The following NNMT variants were observed in gnomAD, a reference collection of about 807,000 sequenced individuals.
NNMT encodes the protein nicotinamide N-methyltransferase.
In NNMT, 10 loss-of-function variants were observed where a neutral mutation model predicts 11.7. The observed-to-expected ratio is 0.85, with a 90% CI of 0.53 to 1.45. The LOEUF is 1.45. NNMT is among the 40% of genes most tolerant of loss of function. The probability of loss-of-function intolerance (pLI) is 0.00; values close to 1 mark genes in which losing one functional copy is unlikely to be tolerated. For synonymous variants in NNMT, 143 were observed against 133.8 expected, an observed-to-expected ratio of 1.07 and a Z score of -0.48; for missense variants, 381 against 319.4, an observed-to-expected ratio of 1.19 and a Z score of -1.47.
intron 1 of NNMT, chr11:114,262,711 T>TTCTAGGAC (rs1241517220): frequency 1.3e-5 from 2 of 152,220 alleles, no homozygotes; most frequent in African/African-American, 4.8e-5. Context: ...ACTTCTAGGA[T>TTCTAGGAC]TCTAGGACTC....
intron 2 of NNMT, among the ~76,000 whole-genome samples, chr11:114,287,245 A>G (rs549772780): frequency 1.1e-4 from 16 of 152,242 alleles, no homozygotes; most frequent in African/African-American, 3.9e-4. Context: ...TCTTAATTGT[A>G]ATATACTAGC....
At chr11:114,277,079 CT>C (rs1235156597) in intron 2 of NNMT, among the ~76,000 whole-genome samples, 1 of 152,100 alleles carries the variant, frequency 6.6e-6, no homozygotes, top group Non-Finnish European at 1.5e-5. Context: ...CAAAAATTAG[CT>C]GGCGTTGGGG....
chr11:114,298,873 G>A (rs746991324), intron 2 of NNMT, among the ~76,000 whole-genome samples: 7 of 152,036 alleles, frequency 4.6e-5, no homozygotes, highest in East Asian at 1.9e-4. Context: ...AGGTAGCCAC[G>A]CCTGCAATTC....
intron 2 of NNMT, among the ~76,000 whole-genome samples, chr11:114,271,863 G>A (rs553974754): frequency 1.9e-4 from 29 of 152,220 alleles, no homozygotes; most frequent in African/African-American, 4.6e-4. Flanking sequence ...AAAACCCACC[G>A]TAGAAGAGAG....
upstream of NNMT, among the ~76,000 whole-genome samples, chr11:114,292,114 T>A (rs1192125151): frequency 5.3e-5 from 8 of 152,330 alleles, no homozygotes; most frequent in East Asian, 1.3e-3. Context: ...CTGTTACATT[T>A]TGGATAATTT....
chr11:114,271,370 T>G (rs934872250), intron 2 of NNMT, among the ~76,000 whole-genome samples: 1 of 152,170 alleles, frequency 6.6e-6, no homozygotes. Flanking sequence ...TGTCTGGCAC[T>G]AAGTACCACC....
At chr11:114,290,405 T>G (rs1044917106) in intron 2 of NNMT, among the ~76,000 whole-genome samples, 15 of 152,196 alleles carry the variant, frequency 9.9e-5, no homozygotes, top group African/African-American at 3.4e-4. Context: ...CTCTACTAAT[T>G]TGGAAGTTAA....
At chr11:114,310,115 G>C (rs976047433) in intron 2 of NNMT, among the ~76,000 whole-genome samples, 5 of 151,886 alleles carry the variant, frequency 3.3e-5, no homozygotes, top group African/African-American at 1.2e-4. Context: ...ATTTCTCTTG[G>C]GTATATACCT....
At chr11:114,260,246 G>A (rs559107144) in intron 1 of NNMT, among the ~76,000 whole-genome samples, 9 of 152,272 alleles carry the variant, frequency 5.9e-5, no homozygotes, top group South Asian at 2.1e-4. Context: ...GCTGTCCATC[G>A]CGGAGATGGC....
upstream of NNMT, among the ~76,000 whole-genome samples, chr11:114,292,009 T>C (rs1177218354): frequency 6.6e-6 from 1 of 152,226 alleles, no homozygotes; most frequent in Non-Finnish European, 1.5e-5. Context: ...CTCTTATCTC[T>C]CAGAAACTCC....
chr11:114,297,503 T>C (rs1332248054), intron 1 of NNMT: 1 of 140,278 alleles, frequency 7.1e-6, no homozygotes, highest in Non-Finnish European at 1.5e-5. Context: ...TTTTTGGAGA[T>C]ATAGATCTCA....
At chr11:114,304,669 C>T (rs1317510592) in intron 2 of NNMT, among the ~76,000 whole-genome samples, 1 of 152,132 alleles carries the variant, frequency 6.6e-6, no homozygotes, top group Non-Finnish European at 1.5e-5. Flanking sequence ...TCTACCTCTG[C>T]ATTTAAATAC....
intron 2 of NNMT, among the ~76,000 whole-genome samples, chr11:114,273,811 G>A (rs2135250164): frequency 6.6e-6 from 1 of 152,274 alleles, no homozygotes. Flanking sequence ...TTGCACTCCA[G>A]CCTGGGCAAC....
intron 2 of NNMT, among the ~76,000 whole-genome samples, chr11:114,263,711 A>G (rs1945100761): frequency 6.6e-6 from 1 of 152,168 alleles, no homozygotes; most frequent in African/African-American, 2.4e-5. Context: ...TTCTGCCCCA[A>G]AAGTGAAGTG....
chr11:114,310,307 A>G (rs542023250), intron 2 of NNMT, among the ~76,000 whole-genome samples: 1 of 152,312 alleles, frequency 6.6e-6, no homozygotes, highest in South Asian at 2.1e-4. Flanking sequence ...CGTCATAGTG[A>G]TGTGAAGTGG....
At chr11:114,268,717 C>T (rs1394074463) in intron 2 of NNMT, among the ~76,000 whole-genome samples, 7 of 142,760 alleles carry the variant, frequency 4.9e-5, no homozygotes, top group South Asian at 4.4e-4. Flanking sequence ...TGCAGTGAGC[C>T]GAGATCGCAC....
intron 2 of NNMT, among the ~76,000 whole-genome samples, chr11:114,306,326 T>G (rs1945491833): frequency 6.6e-6 from 1 of 152,226 alleles, no homozygotes; most frequent in Non-Finnish European, 1.5e-5. Flanking sequence ...GCTAGTTTCT[T>G]TTGCTGGCAG....
chr11:114,301,016 C>T lies in NNMT; in HGVS notation c.362+2858C>T, dbSNP rs566219353. Among the ~76,000 whole-genome samples, 60 of 152,238 alleles carry T rather than the reference C, an allele frequency of 3.9e-4. 1 individual carries two copies. The South Asian group carries it at 8.1e-3, about 20-fold the overall frequency. On this transcript the variant is annotated intron_variant, in intron 2 of 2. Transcript: ENST00000299964. ...AGAATGCAGCATAGTGATGGGATAT[C>T]AATTGTGATATTAAATTAAAAGGAC...
chr11:114,271,521 C>T (rs1945170091), intron 2 of NNMT, among the ~76,000 whole-genome samples: 1 of 152,242 alleles, frequency 6.6e-6, no homozygotes, highest in Non-Finnish European at 1.5e-5. Context: ...ACATGTGTGG[C>T]TCCAGCTCAG....
Sources: allele counts gnomAD v4.1 joint callset (sites outside exome capture counted in the v4.1 genomes callset), GRCh38; gene constraint gnomAD v4.1.1; transcripts MANE v1.5; gene names NCBI Gene and HGNC (gene_info 2026-07-23, HGNC 2026-07-21).